Variants in RBMS3 observed in about 807,000 individuals in gnomAD.
RBMS3 encodes the protein RNA-binding motif, single-stranded-interacting protein 3.
In RBMS3, 27 loss-of-function variants were observed where a neutral mutation model predicts 66.8. The observed-to-expected ratio is 0.40, with a 90% CI of 0.30 to 0.56. The LOEUF (loss-of-function observed/expected upper bound fraction) is 0.56. RBMS3 is among the 20% of genes least tolerant of loss of function. The probability of loss-of-function intolerance (pLI) is 0.40; values close to 1 mark genes in which losing one functional copy is unlikely to be tolerated. For synonymous variants in RBMS3, 188 were observed against 183.0 expected, an observed-to-expected ratio of 1.03 and a Z score of -0.22; for missense variants, 513 against 549.5, an observed-to-expected ratio of 0.93 and a Z score of 0.66.
At chr3:29,348,136 C>T (rs997817826) in intron 1 of RBMS3, among the ~76,000 whole-genome samples, 9 of 152,012 alleles carry the variant, frequency 5.9e-5, no homozygotes, top group Admixed American at 1.3e-4. Flanking sequence ...ATGAGTTTTC[C>T]GGGATGCTGC....
intron 4 of RBMS3, among the ~76,000 whole-genome samples, chr3:29,712,427 G>A (rs147115156): frequency 1.8e-3 from 272 of 151,994 alleles, no homozygotes; most frequent in Non-Finnish European, 2.3e-3. Flanking sequence ...ATCCTCCTAC[G>A]TCAGCCTCCC....
intron 1 of RBMS3, among the ~76,000 whole-genome samples, chr3:29,348,888 G>C (rs1291647741): frequency 1.3e-5 from 2 of 152,168 alleles, no homozygotes; most frequent in African/African-American, 4.8e-5. Flanking sequence ...TGCAGTAGAA[G>C]GGACTTGAGA....
At chr3:29,813,891 G>A (rs2149462534) in intron 6 of RBMS3, among the ~76,000 whole-genome samples, 1 of 152,246 alleles carries the variant, frequency 6.6e-6, no homozygotes, top group African/African-American at 2.4e-5. Flanking sequence ...CTGAGACAAT[G>A]GGGTTTTCTA....
At chr3:29,448,162 G>A (rs1043108867) in intron 2 of RBMS3, among the ~76,000 whole-genome samples, 4 of 152,170 alleles carry the variant, frequency 2.6e-5, no homozygotes, top group Non-Finnish European at 5.9e-5. Flanking sequence ...AACCACCTGC[G>A]TGTTTTATTG....
At chr3:29,588,190 G>T (rs529532945) in intron 4 of RBMS3, among the ~76,000 whole-genome samples, 1 of 152,140 alleles carries the variant, frequency 6.6e-6, no homozygotes, top group South Asian at 2.1e-4. Context: ...GCTTTAAAAT[G>T]ATGGCCATTT....
intron 10 of RBMS3, among the ~76,000 whole-genome samples, chr3:29,917,567 C>T (rs1049598459): frequency 2.6e-5 from 4 of 151,976 alleles, no homozygotes; most frequent in African/African-American, 7.2e-5. Flanking sequence ...ACTGGCCATA[C>T]ATTCTATTAA....
chr3:29,838,537 A>G (rs1212372234), intron 6 of RBMS3, among the ~76,000 whole-genome samples: 4 of 152,114 alleles, frequency 2.6e-5, no homozygotes, highest in Admixed American at 2.0e-4. Context: ...TCTAATTGAT[A>G]ATAATAAGAA....
intron 12 of RBMS3, among the ~76,000 whole-genome samples, chr3:29,982,666 A>T (rs1342372617): frequency 6.6e-6 from 1 of 152,106 alleles, no homozygotes. Flanking sequence ...TCATTTCATT[A>T]TTTACCCAGT....
At chr3:29,761,524 C>T (rs776659886) in intron 5 of RBMS3, among the ~76,000 whole-genome samples, 1 of 152,104 alleles carries the variant, frequency 6.6e-6, no homozygotes, top group Non-Finnish European at 1.5e-5. Flanking sequence ...AATTACTTCG[C>T]CAAAAGCCTC....
intron 4 of RBMS3, among the ~76,000 whole-genome samples, chr3:29,679,238 G>T: frequency 6.6e-6 from 1 of 152,090 alleles, no homozygotes; most frequent in East Asian, 1.9e-4. Flanking sequence ...TACTTGTGAA[G>T]AATATATATG....
intron 6 of RBMS3, among the ~76,000 whole-genome samples, chr3:29,806,418 G>A (rs1465641500): frequency 6.6e-6 from 1 of 151,860 alleles, no homozygotes; most frequent in Non-Finnish European, 1.5e-5. Context: ...GCACAAAACT[G>A]TTTTTGAAAT....
rs180947600 is a variant in RBMS3 at position 29,479,123 on chromosome 3, C to G, written c.249-9318C>G. On this transcript the variant is annotated intron_variant, in intron 2 of 14. Transcript: ENST00000383767. ...AAATATAAGCAATATAACTTAAGTGCTGCATGAACTTAGTCAAGTAACTTA... is the reference window on the plus strand; with the variant it reads ...AAATATAAGCAATATAACTTAAGTGGTGCATGAACTTAGTCAAGTAACTTA... Among the ~76,000 whole-genome samples, 247 of 152,152 alleles carry G rather than the reference C, an allele frequency of 1.6e-3. 1 individual carries two copies. Among genetic ancestry groups the G allele is most frequent in the African/African-American group, 5.8e-3 (241 of 41,498 alleles).
chr3:29,800,962 C>T (rs2057369295), intron 6 of RBMS3, among the ~76,000 whole-genome samples: 1 of 151,822 alleles, frequency 6.6e-6, no homozygotes, highest in Admixed American at 6.6e-5. Flanking sequence ...TCCCTTCCCT[C>T]ACAAGGACAT....
intron 1 of RBMS3, among the ~76,000 whole-genome samples, chr3:29,361,911 G>A (rs1242749661): frequency 6.6e-6 from 1 of 152,116 alleles, no homozygotes; most frequent in Admixed American, 6.5e-5. Context: ...GGTCCTTTAA[G>A]GACTTCTCTG....
rs554205861 is a variant in RBMS3, at chr3:29,905,885, T to C, written c.939+6130T>C. Among the ~76,000 whole-genome samples, 62 of 152,266 alleles carry C rather than the reference T, an allele frequency of 4.1e-4. 2 individuals are homozygous for C. In the South Asian group the frequency reaches 0.011, roughly 28 times the overall value. ...TGGGGAAACTTGCCTTATAAACTGATAGGAAATGTCCACAATATTTTTTTC... is the reference window on the plus strand; with the variant it reads ...TGGGGAAACTTGCCTTATAAACTGACAGGAAATGTCCACAATATTTTTTTC... On this transcript the variant is annotated intron_variant, in intron 10 of 14. Transcript: ENST00000383767.
chr3:29,766,677 T>G (rs1576742952), intron 6 of RBMS3: 1 of 151,918 alleles, frequency 6.6e-6, no homozygotes, highest in East Asian at 1.9e-4. Flanking sequence ...CAGAACTACC[T>G]CTGTTCATTT....
chr3:29,675,978 A>G (rs562347908), intron 4 of RBMS3, among the ~76,000 whole-genome samples: 3 of 152,354 alleles, frequency 2.0e-5, no homozygotes, highest in Admixed American at 2.0e-4. Context: ...ATGCACACAT[A>G]TGTTTATGGT....
intron 6 of RBMS3, among the ~76,000 whole-genome samples, chr3:29,770,113 C>A (rs2056131802): frequency 6.6e-6 from 1 of 151,856 alleles, no homozygotes. Context: ...TCTGGCATGG[C>A]AAATGGTCTT....
chr3:29,534,271 A>T lies in RBMS3; in HGVS notation c.307+45772A>T, dbSNP rs140676760. Among the ~76,000 whole-genome samples the T allele has an allele frequency of 3.4e-3, 519 of 152,332 alleles. 2 individuals carry two copies. Among genetic ancestry groups the T allele is most frequent in the Admixed American group, 8.0e-3 (123 of 15,296 alleles). On this transcript the variant is annotated intron_variant, in intron 3 of 14. Coordinates refer to ENST00000383767, the MANE Select transcript of RBMS3 (RefSeq NM_001003793.3). Reference sequence around the variant, plus strand: ...CAACTGGATTCTACTTTGAAACTCAATCAGTTATCCTTAAACAAGAAATCT... The same window carrying T: ...CAACTGGATTCTACTTTGAAACTCATTCAGTTATCCTTAAACAAGAAATCT...
Sources: gnomAD v4.1 joint callset for allele counts (sites outside exome capture counted in the v4.1 genomes callset) on GRCh38, gnomAD v4.1.1 for gene constraint, MANE v1.5 for transcripts, NCBI Gene and HGNC (gene_info 2026-07-23, HGNC 2026-07-21) for gene names.